LRRC7: variants seen among roughly 807,000 people sequenced by gnomAD.
LRRC7 encodes leucine-rich repeat-containing protein 7.
In LRRC7, 23 loss-of-function variants were observed where a neutral mutation model predicts 175.7. The observed-to-expected ratio is 0.13, with a 90% CI of 0.09 to 0.19. The LOEUF is 0.19. LRRC7 is among the 10% of genes least tolerant of loss of function. LRRC7 has a pLI of 1.00. For missense variants in LRRC7, 1,354 were observed against 1,904.7 expected (o/e 0.71, Z 5.38); for synonymous variants, 685 against 680.9 (o/e 1.01, Z -0.09).
chr1:69,590,440 G>A (rs1646585377), intron 1 of LRRC7, among the ~76,000 whole-genome samples: 1 of 152,078 alleles, frequency 6.6e-6, no homozygotes, highest in Admixed American at 6.6e-5. Context: ...GAATTAGTTG[G>A]CAACCAGGAT....
rs1171586325 is a variant in LRRC7, at chr1:69,678,506, G to A, written c.100+28G>A. 3.9e-6 allele frequency: 6 copies of A among 1,525,206 alleles called. No individual in the cohort carries two copies. In the Admixed American group the frequency reaches 1.1e-4, roughly 28 times the overall value. The allele number at this position is 1,525,206 out of a possible 1,614,324, so 94.5% of individuals were successfully genotyped here. ...AAGTATGTTTAATAGGATTACCTGT[G>A]TTCTAGATAGATTTTGGTGAGTAGC... On this transcript the variant is annotated intron_variant, in intron 2 of 26. Transcript: ENST00000651989.
At position 69,924,623 on chromosome 1, in the gene LRRC7, T is replaced by C. The variant is rs556210927; in HGVS notation, c.648-6884T>C. On this transcript the variant is annotated intron_variant, in intron 7 of 26. Coordinates refer to ENST00000651989, the MANE Select transcript of LRRC7 (RefSeq NM_001370785.2). The stretch of plus-strand genomic sequence containing the variant: ...TTTGTCTGTTATTGGTGTATAAGAA[T>C]GCTTGTGATTTTTGTACATTGATTT... Among the ~76,000 whole-genome samples the C allele has an allele frequency of 6.6e-4, 101 of 152,312 alleles. 1 individual carries two copies. The East Asian group carries it at 0.017, about 26-fold the overall frequency.
intron 26 of LRRC7, 33 bp downstream of exon 26, chr1:70,107,859 C>T: frequency 6.8e-7 from 1 of 1,478,386 alleles, no homozygotes; most frequent in Non-Finnish European, 9.4e-7. Context: ...ATGCAAATGC[C>T]ATACTGAGAC....
At chr1:69,652,779 G>T (rs1405493902) in intron 1 of LRRC7, among the ~76,000 whole-genome samples, 1 of 151,818 alleles carries the variant, frequency 6.6e-6, no homozygotes, top group East Asian at 1.9e-4. Flanking sequence ...TTATATTACT[G>T]CCATAAAGAC....
intron 18 of LRRC7, among the ~76,000 whole-genome samples, chr1:70,034,760 G>C (rs985169205): frequency 3.9e-5 from 6 of 152,176 alleles, no homozygotes; most frequent in African/African-American, 1.4e-4. Flanking sequence ...AAAAGTGTTG[G>C]ACTAAATGAT....
At chr1:69,681,397 A>G (rs1437073996) in intron 2 of LRRC7, among the ~76,000 whole-genome samples, 1 of 152,166 alleles carries the variant, frequency 6.6e-6, no homozygotes, top group African/African-American at 2.4e-5. Flanking sequence ...ATTTGGAGAT[A>G]CTGTATACGG....
chr1:69,726,503 A>G (rs573613479), intron 2 of LRRC7, among the ~76,000 whole-genome samples: 4 of 152,332 alleles, frequency 2.6e-5, no homozygotes, highest in African/African-American at 9.6e-5. Context: ...GGAAGAAGGT[A>G]GAGAGAATGG....
intron 1 of LRRC7, among the ~76,000 whole-genome samples, chr1:69,620,167 A>G (rs1319844470): frequency 6.6e-6 from 1 of 152,136 alleles, no homozygotes. Context: ...AATTTGCAAC[A>G]TTCTTCTCAC....
intron 2 of LRRC7, among the ~76,000 whole-genome samples, chr1:69,702,790 G>C (rs1002008497): frequency 6.6e-6 from 1 of 152,056 alleles, no homozygotes; most frequent in African/African-American, 2.4e-5. Flanking sequence ...TTATTAAGAT[G>C]AATATATTTG....
chr1:69,937,935 A>G (rs1210518809), intron 8 of LRRC7, among the ~76,000 whole-genome samples: 1 of 151,902 alleles, frequency 6.6e-6, no homozygotes, highest in Non-Finnish European at 1.5e-5. Flanking sequence ...TGATGAGGTC[A>G]TTTTGAGAGT....
intron 24 of LRRC7, among the ~76,000 whole-genome samples, chr1:70,086,036 C>T (rs955931905): frequency 1.3e-5 from 2 of 152,030 alleles, no homozygotes; most frequent in African/African-American, 2.4e-5. Context: ...CCTTCTAAAA[C>T]TCATCATGTA....
At chr1:69,850,782 G>A (rs566791887) in intron 7 of LRRC7, among the ~76,000 whole-genome samples, 1 of 152,202 alleles carries the variant, frequency 6.6e-6, no homozygotes, top group East Asian at 1.9e-4. Flanking sequence ...TTTGATATTG[G>A]CAATGGAAAG....
At chr1:69,913,955 A>G (rs967676366) in intron 7 of LRRC7, among the ~76,000 whole-genome samples, 2 of 152,220 alleles carry the variant, frequency 1.3e-5, no homozygotes, top group African/African-American at 2.4e-5. Flanking sequence ...GACCATGATT[A>G]TGTGATAAAA....
intron 7 of LRRC7, among the ~76,000 whole-genome samples, chr1:69,883,556 T>A (rs1363343826): frequency 2.3e-4 from 23 of 98,852 alleles, no homozygotes; most frequent in Admixed American, 5.1e-4. Context: ...TTCTCCCATT[T>A]TGTAGGTTGC....
rs1685715102 is a variant in LRRC7 at position 69,873,099 on chromosome 1, T to C, written c.647+34816T>C. On this transcript the variant is annotated intron_variant, in intron 7 of 26. Transcript: ENST00000651989. ...CATGCTTGTTATCTCAGAGAGTTAT[T>C]GGAAATGAGTAGAAGCTTGGAAGTG... Among the ~76,000 whole-genome samples the C allele has an allele frequency of 2.0e-5, 3 of 152,154 alleles. No individual in the cohort carries two copies. The South Asian group carries it at 6.2e-4, about 31-fold the overall frequency.
chr1:69,925,187 C>T (rs1244293796), intron 7 of LRRC7, among the ~76,000 whole-genome samples: 1 of 152,152 alleles, frequency 6.6e-6, no homozygotes, highest in East Asian at 1.9e-4. Context: ...TGATGTGCTG[C>T]TGGATTCGGT....
At chr1:69,842,287 T>A (rs1681814117) in intron 7 of LRRC7, among the ~76,000 whole-genome samples, 1 of 152,074 alleles carries the variant, frequency 6.6e-6, no homozygotes, top group Non-Finnish European at 1.5e-5. Context: ...AATAAAACTG[T>A]TCCATGTGTG....
chr1:69,758,801 G>T (rs995242813), intron 2 of LRRC7, among the ~76,000 whole-genome samples: 1 of 151,888 alleles, frequency 6.6e-6, no homozygotes, highest in African/African-American at 2.4e-5. Flanking sequence ...GATAATGATT[G>T]TCTCCAAATT....
At chr1:70,093,966 G>A (rs1022427048) in intron 25 of LRRC7, among the ~76,000 whole-genome samples, 4 of 152,174 alleles carry the variant, frequency 2.6e-5, no homozygotes, top group African/African-American at 9.6e-5. Context: ...CTCTGCAAAT[G>A]AGAGAATTTT....
Sources: allele counts gnomAD v4.1 joint callset (sites outside exome capture counted in the v4.1 genomes callset), GRCh38; gene constraint gnomAD v4.1.1; transcripts MANE v1.5; gene names NCBI Gene and HGNC (gene_info 2026-07-23, HGNC 2026-07-21).